ZC3H18: variants seen among roughly 807,000 people sequenced by gnomAD.
ZC3H18 encodes zinc finger CCCH domain-containing protein 18.
In ZC3H18, 8 loss-of-function variants were observed where a neutral mutation model predicts 106.1. The ratio of observed to expected loss-of-function variants is 0.08; its 90% CI spans 0.04 to 0.14. The LOEUF (loss-of-function observed/expected upper bound fraction) is 0.14. Among genes scored for constraint, ZC3H18 ranks in the 10% least tolerant of loss-of-function variants. The pLI is 1.00. For missense variants in ZC3H18, 1,318 were observed against 1,278.4 expected, an observed-to-expected ratio of 1.03 and a Z score of -0.47; for synonymous variants, 635 against 522.1, an observed-to-expected ratio of 1.22 and a Z score of -2.95.
chr16:88,587,891 G>A (rs1915529534), intron 3 of ZC3H18, among the ~76,000 whole-genome samples: 1 of 152,220 alleles, frequency 6.6e-6, no homozygotes, highest in South Asian at 2.1e-4. Flanking sequence ...TGCAAGAGAT[G>A]ACCTGATGAT....
chr16:88,579,547 G>A (rs72809424), intron 2 of ZC3H18, among the ~76,000 whole-genome samples: 5 of 152,096 alleles, frequency 3.3e-5, no homozygotes, highest in South Asian at 2.1e-4. Context: ...CCATGGGCGC[G>A]GGCGGTGCGG....
intron 1 of ZC3H18, among the ~76,000 whole-genome samples, chr16:88,572,850 T>G (rs892653140): frequency 2.6e-5 from 4 of 151,984 alleles, no homozygotes; most frequent in African/African-American, 9.7e-5. Context: ...CTCCTCCTCC[T>G]GGGTTCAAGT....
chr16:88,593,601 G>T (rs918399374), intron 3 of ZC3H18, among the ~76,000 whole-genome samples: 2 of 152,318 alleles, frequency 1.3e-5, no homozygotes, highest in Non-Finnish European at 2.9e-5. Flanking sequence ...AGCCCCTGCC[G>T]GCACCCAAGT....
chr16:88,619,835 A>G, intron 8 of ZC3H18, among the ~76,000 whole-genome samples: 1 of 152,226 alleles, frequency 6.6e-6, no homozygotes, highest in East Asian at 1.9e-4. Flanking sequence ...TGTCCCTGTG[A>G]CTTATTGGTG....
At chr16:88,611,174 C>A (rs767449426) in intron 7 of ZC3H18, 94 bp from the exon 8 acceptor site, 1 of 693,508 alleles carries the variant, frequency 1.4e-6, no homozygotes, top group African/African-American at 1.8e-5. Context: ...TTCTGTGACA[C>A]AGACAGATCG....
At chr16:88,589,769 C>T (rs1382824078) in intron 3 of ZC3H18, among the ~76,000 whole-genome samples, 4 of 152,078 alleles carry the variant, frequency 2.6e-5, no homozygotes, top group South Asian at 2.1e-4. Context: ...TCCACAGAGA[C>T]GGAAAGTAGA....
intron 12 of ZC3H18, 55 bp from the exon 13 acceptor site, chr16:88,625,147 C>G: frequency 1.3e-6 from 2 of 1,547,266 alleles, no homozygotes; most frequent in African/African-American, 1.4e-5. Context: ...GAGGGGAGGC[C>G]GCGAGGGGCT....
chr16:88,631,358 G>T lies in ZC3H18; in HGVS notation c.*59G>T. The T allele has an allele frequency of 6.5e-7, 1 of 1,542,838 alleles. No individual in the cohort carries two copies. The highest frequency in any genetic ancestry group is 8.8e-7 in the Non-Finnish European group (1 of 1,141,802). On this transcript the variant is annotated 3_prime_UTR_variant, in exon 18 of 18. Transcript: ENST00000301011. The stretch of plus-strand genomic sequence containing the variant: ...ACATAGGGTAAGCGCAGCCATTTTG[G>T]ATTTTGCAGTTAATGTCTTATTTTG...
chr16:88,603,825 G>C (rs1393034937), intron 6 of ZC3H18, among the ~76,000 whole-genome samples: 2 of 150,752 alleles, frequency 1.3e-5, no homozygotes, highest in African/African-American at 4.9e-5. Flanking sequence ...AGTAGAGATG[G>C]GGTTTCACCA....
chr16:88,622,505 G>T, intron 9 of ZC3H18, 117 bp downstream of exon 9: 1 of 1,162,230 alleles, frequency 8.6e-7, no homozygotes, highest in African/African-American at 1.5e-5. Flanking sequence ...CTGTGGCGTC[G>T]TTACCTGCAG....
intron 5 of ZC3H18, among the ~76,000 whole-genome samples, chr16:88,599,365 G>T (rs1904623770): frequency 6.6e-6 from 1 of 152,228 alleles, no homozygotes; most frequent in South Asian, 2.1e-4. Context: ...CACTCTGCTG[G>T]CACCCAGCCC....
chr16:88,586,576 C>A lies in ZC3H18; in HGVS notation c.604-24C>A, dbSNP rs375415304. 3.0e-5 allele frequency: 49 copies of A among 1,607,526 alleles called. No homozygotes were observed. In the Admixed American group the frequency reaches 7.8e-4, roughly 26 times the overall value. On this transcript the variant is annotated intron_variant, in intron 2 of 17. Coordinates refer to ENST00000301011, the MANE Select transcript of ZC3H18 (RefSeq NM_144604.4). Reference sequence around the variant, plus strand: ...CTGATTGATAGATGCCTCCCCCACGCTAAGACGGTGTTCTCTGTTTCAGGA... The same window carrying A: ...CTGATTGATAGATGCCTCCCCCACGATAAGACGGTGTTCTCTGTTTCAGGA...
At chr16:88,624,293 C>T in intron 11 of ZC3H18, 1 of 673,616 alleles carries the variant, frequency 1.5e-6, no homozygotes, top group South Asian at 1.9e-5. Flanking sequence ...AGAGCACAGC[C>T]CTGGGGACAC....
intron 6 of ZC3H18, among the ~76,000 whole-genome samples, chr16:88,605,167 G>T (rs1904951738): frequency 6.6e-6 from 1 of 152,230 alleles, no homozygotes. Context: ...ATTTGCTGGT[G>T]CCCTGTGGGG....
intron 3 of ZC3H18, among the ~76,000 whole-genome samples, chr16:88,593,573 G>T (rs1904308418): frequency 6.6e-6 from 1 of 152,250 alleles, no homozygotes; most frequent in African/African-American, 2.4e-5. Context: ...CAGCGTGGTG[G>T]AGTGGCAGCG....
intron 3 of ZC3H18, among the ~76,000 whole-genome samples, chr16:88,590,564 C>CTTTTTTTTTTTTTTTTTTTTT (rs57632461): frequency 8.9e-5 from 9 of 100,670 alleles, no homozygotes; most frequent in Non-Finnish European, 1.5e-4. Flanking sequence ...TTCTTTATTT[C>CTTTTTTTTTTTTTTTTTTTTT]TTTTTTTTTT....
At chr16:88,583,957 T>C (rs777393926) in intron 2 of ZC3H18, among the ~76,000 whole-genome samples, 3 of 152,200 alleles carry the variant, frequency 2.0e-5, no homozygotes, top group Non-Finnish European at 4.4e-5. Context: ...TGGCAGACAC[T>C]TAGTGTGACA....
rs1255202558 is a variant in ZC3H18 at position 88,627,616 on chromosome 16, G to A, written c.2109-6G>A. The A allele has an allele frequency of 6.3e-7, 1 of 1,597,866 alleles. No homozygotes were observed. The highest frequency in any genetic ancestry group is 1.7e-5 in the Admixed American group (1 of 59,384). ...GGGGTGTGGTGAGATGTGCTTGTGT[G>A]TCCAGGTCCCTGAGCGTGAGCAGCG... On this transcript the variant is annotated splice_region_variant and splice_polypyrimidine_tract_variant and intron_variant, in intron 13 of 17. Transcript: ENST00000301011. The surrounding 1 kb of genome is among the most constrained non-coding windows in gnomAD (Gnocchi z 4.5).
intron 3 of ZC3H18, among the ~76,000 whole-genome samples, chr16:88,590,466 C>T (rs572434385): frequency 2.4e-4 from 36 of 151,776 alleles, no homozygotes; most frequent in African/African-American, 6.1e-4. Flanking sequence ...TTTTATCTCT[C>T]GTGGGCCTGT....
Sources: gnomAD v4.1 joint callset for allele counts (sites outside exome capture counted in the v4.1 genomes callset) on GRCh38, gnomAD v4.1.1 for gene constraint, Gnocchi (gnomAD v3.1) non-coding constraint, MANE v1.5 for transcripts, NCBI Gene and HGNC (gene_info 2026-07-23, HGNC 2026-07-21) for gene names.